FRMD3: variants seen among roughly 807,000 people sequenced by gnomAD.
FRMD3 encodes FERM domain-containing protein 3.
FRMD3 carries 33 observed loss-of-function variants against 70.2 expected under a neutral mutation model. The ratio of observed to expected loss-of-function variants is 0.47; its 90% confidence interval spans 0.36 to 0.63. The LOEUF (loss-of-function observed/expected upper bound fraction) is 0.63. Ranked by LOEUF, FRMD3 falls within the 20% of genes least tolerant of loss-of-function variation. FRMD3 has a pLI of 0.00. For missense variants in FRMD3, 632 were observed against 711.4 expected, an observed-to-expected ratio of 0.89 and a Z score of 1.27; for synonymous variants, 279 against 255.9, an observed-to-expected ratio of 1.09 and a Z score of -0.86.
chr9:83,457,869 A>G (rs1827861985), intron 1 of FRMD3, among the ~76,000 whole-genome samples: 1 of 152,266 alleles, frequency 6.6e-6, no homozygotes, highest in African/African-American at 2.4e-5. Context: ...CACCATGTAT[A>G]CATATATCAA....
the FRMD3 span, among the ~76,000 whole-genome samples, chr9:83,580,382 T>C: frequency 6.6e-6 from 1 of 152,054 alleles, no homozygotes; most frequent in Non-Finnish European, 1.5e-5. Context: ...CACTAACAGA[T>C]AAATGAATAA....
the FRMD3 span, among the ~76,000 whole-genome samples, chr9:83,585,114 A>G: frequency 1.3e-5 from 2 of 152,018 alleles, no homozygotes; most frequent in South Asian, 4.2e-4. Flanking sequence ...TGGGTTGTAA[A>G]CTTTGTGGGC....
chr9:83,376,680 A>G (rs1318010864), intron 2 of FRMD3, among the ~76,000 whole-genome samples: 1 of 151,302 alleles, frequency 6.6e-6, no homozygotes, highest in Non-Finnish European at 1.5e-5. Context: ...GGCTCAAGCA[A>G]TCCTCCCACC....
At chr9:83,275,975 G>A (rs1038513306) in intron 13 of FRMD3, 4 of 152,176 alleles carry the variant, frequency 2.6e-5, no homozygotes, top group African/African-American at 9.7e-5. Context: ...AGCCAGTGAG[G>A]TTCATCCGAG....
At position 83,537,016 on chromosome 9, in the gene FRMD3, C is replaced by A. The variant is rs1829910090; in HGVS notation, c.147+1069G>T. On this transcript the variant is annotated intron_variant, in intron 1 of 13. Coordinates refer to ENST00000304195, the MANE Select transcript of FRMD3 (RefSeq NM_174938.6). The surrounding 1 kb of genome is among the most constrained non-coding windows in gnomAD (Gnocchi z 4.1). ...TGAGAAAGGAAATCCCAGAGATAAA[C>A]AGTTAAATAGATTTAGAAGTCAGAA... Among the ~76,000 whole-genome samples the A allele has an allele frequency of 6.9e-6, 1 of 145,608 alleles. No homozygotes were observed. Among genetic ancestry groups the A allele is most frequent in the Admixed American group, 7.0e-5 (1 of 14,192 alleles).
intron 13 of FRMD3, among the ~76,000 whole-genome samples, chr9:83,279,726 C>G (rs1662889028): frequency 6.9e-6 from 1 of 145,856 alleles, no homozygotes; most frequent in Non-Finnish European, 1.5e-5. Context: ...AATGTTCTCA[C>G]TTGTAAGTGG....
the FRMD3 span, among the ~76,000 whole-genome samples, chr9:83,583,099 C>T: frequency 6.6e-6 from 1 of 152,302 alleles, no homozygotes; most frequent in South Asian, 2.1e-4. Context: ...TAATATTTTC[C>T]ATCCCAAATT....
intron 1 of FRMD3, among the ~76,000 whole-genome samples, chr9:83,486,609 C>A (rs1005227100): frequency 9.2e-5 from 14 of 152,242 alleles, no homozygotes; most frequent in African/African-American, 3.4e-4. Context: ...TAAGCCTGGA[C>A]CAAGATTTAT....
chr9:83,261,102 G>GATACACACAC (rs71498040), intron 13 of FRMD3, among the ~76,000 whole-genome samples: 3 of 133,038 alleles, frequency 2.3e-5, no homozygotes, highest in Admixed American at 7.6e-5. Flanking sequence ...AGGAAACTTA[G>GATACACACAC]ACACACACAC....
Position 83,537,180 on chromosome 9 carries a change from A to T in FRMD3, c.147+905T>A, listed in dbSNP as rs1207906036. On this transcript the variant is annotated intron_variant, in intron 1 of 13. Transcript: ENST00000304195. This position sits in a 1 kb window ranked among gnomAD's most constrained non-coding sequence, Gnocchi z 4.1. ...AATATGCACACGCACGCGCAACCAC[A>T]TGCACACACACACCTTTGCACCTCA... 6.6e-6 allele frequency among the ~76,000 whole-genome samples: 1 copy of T among 152,044 alleles called. No individual in the cohort carries two copies. Among genetic ancestry groups the T allele is most frequent in the Non-Finnish European group, 1.5e-5 (1 of 67,994 alleles).
intron 6 of FRMD3, 114 bp downstream of exon 6, chr9:83,335,402 C>G: frequency 8.8e-7 from 1 of 1,130,086 alleles, no homozygotes. Flanking sequence ...CCACGCAAAA[C>G]AGCCTATCCA....
At chr9:83,430,797 G>A (rs182984024) in intron 1 of FRMD3, among the ~76,000 whole-genome samples, 21 of 152,304 alleles carry the variant, frequency 1.4e-4, no homozygotes, top group African/African-American at 4.8e-4. Flanking sequence ...AAACTCAGCT[G>A]ACCACTTGGC....
chr9:83,333,664 C>T (rs1361851700), intron 6 of FRMD3, among the ~76,000 whole-genome samples: 1 of 152,196 alleles, frequency 6.6e-6, no homozygotes, highest in East Asian at 1.9e-4. Context: ...TACTAACTGG[C>T]CCTCCTGCCC....
intron 13 of FRMD3, among the ~76,000 whole-genome samples, chr9:83,264,819 G>GA (rs1833161972): frequency 6.8e-6 from 1 of 147,672 alleles, no homozygotes; most frequent in South Asian, 2.2e-4. Context: ...GGGGGAGGGG[G>GA]GAAGGTATAT....
chr9:83,355,885 G>A lies in FRMD3; in HGVS notation c.296-6128C>T, dbSNP rs540065034. Among the ~76,000 whole-genome samples the A allele has an allele frequency of 1.2e-4, 18 of 152,302 alleles. No homozygotes were observed. The South Asian group carries it at 3.3e-3, about 28-fold the overall frequency. On this transcript the variant is annotated intron_variant, in intron 3 of 13. Transcript: ENST00000304195. Reference sequence around the variant, plus strand: ...AGTGAAATCCACTTTGAAATGCCAAGAGCTTGTAATTGCACTGAGAACAGC... The same window carrying A: ...AGTGAAATCCACTTTGAAATGCCAAAAGCTTGTAATTGCACTGAGAACAGC...
chr9:83,337,843 CA>C (rs1375788560), intron 5 of FRMD3, among the ~76,000 whole-genome samples: 1 of 152,182 alleles, frequency 6.6e-6, no homozygotes, highest in African/African-American at 2.4e-5. Context: ...ACATATACCA[CA>C]GCGAGGGAAG....
At chr9:83,458,000 C>CAAAAAAA (rs10555580) in intron 1 of FRMD3, among the ~76,000 whole-genome samples, 1 of 87,950 alleles carries the variant, frequency 1.1e-5, no homozygotes, top group Non-Finnish European at 2.2e-5. Context: ...TATTACCTCT[C>CAAAAAAA]AAAAAAAAAA....
chr9:83,399,787 C>T (rs1825901942), intron 1 of FRMD3, among the ~76,000 whole-genome samples: 1 of 152,108 alleles, frequency 6.6e-6, no homozygotes, highest in South Asian at 2.1e-4. Flanking sequence ...TAAAGAACGT[C>T]TACCACATTT....
In FRMD3 at chr9:83,285,235, ACT is replaced by A. The variant is rs535703199; in HGVS notation, c.1195+5366_1195+5367del. On this transcript the variant is annotated intron_variant, in intron 13 of 13. Transcript: ENST00000304195. ...AACACATACATGCATTCACATATAC[ACT>A]CGGCACAAACACGCGCAAACACATA... 2.8e-4 allele frequency among the ~76,000 whole-genome samples: 43 copies of A among 152,132 alleles called. No individual in the cohort carries two copies. The East Asian group carries it at 4.8e-3, about 17-fold the overall frequency.
Sources: allele counts gnomAD v4.1 joint callset (sites outside exome capture counted in the v4.1 genomes callset), GRCh38; gene constraint gnomAD v4.1.1; non-coding constraint Gnocchi (gnomAD v3.1); transcripts MANE v1.5; gene names NCBI Gene and HGNC (gene_info 2026-07-23, HGNC 2026-07-21).